Variants in HERC1 observed in about 807,000 individuals in gnomAD.
HERC1 encodes probable E3 ubiquitin-protein ligase HERC1.
In HERC1, 160 loss-of-function variants were observed where a neutral mutation model predicts 554.3. The observed-to-expected ratio is 0.29, with a 90% confidence interval of 0.25 to 0.33. The LOEUF (loss-of-function observed/expected upper bound fraction) is 0.33. Ranked by LOEUF, HERC1 falls within the 10% of genes least tolerant of loss-of-function variation. The pLI is 1.00. For missense variants in HERC1, 4,919 were observed against 5,918.5 expected, an observed-to-expected ratio of 0.83 and a Z score of 5.54; for synonymous variants, 2,175 against 2,131.7, an observed-to-expected ratio of 1.02 and a Z score of -0.56.
intron 50 of HERC1, among the ~76,000 whole-genome samples, chr15:63,654,879 A>G (rs1318690678): frequency 2.0e-5 from 3 of 152,110 alleles, no homozygotes; most frequent in Admixed American, 1.3e-4. Context: ...AAAAAAAAAA[A>G]AAATTTATTA....
At chr15:63,767,646 C>T (rs1050593669) in intron 2 of HERC1, among the ~76,000 whole-genome samples, 1 of 152,034 alleles carries the variant, frequency 6.6e-6, no homozygotes, top group Admixed American at 6.5e-5. Flanking sequence ...TGCAGTCAGC[C>T]GAGATCGCCC....
At chr15:63,635,510 A>C (rs1337774220) in intron 65 of HERC1, among the ~76,000 whole-genome samples, 1 of 152,226 alleles carries the variant, frequency 6.6e-6, no homozygotes, top group Non-Finnish European at 1.5e-5. Flanking sequence ...ATAAATGGGG[A>C]AATTGTTTGT....
At position 63,720,484 on chromosome 15, in the gene HERC1, C is replaced by A. The variant is rs202150256; in HGVS notation, c.3743-1587G>T. Among the ~76,000 whole-genome samples the A allele has an allele frequency of 5.9e-5, 9 of 152,228 alleles. No homozygotes were observed. The East Asian group carries it at 1.7e-3, about 29-fold the overall frequency. On this transcript the variant is annotated intron_variant, in intron 19 of 77. Transcript: ENST00000443617. ...AACACGCTTGAAAAATTTTTAGCCT[C>A]AAATTAATTTTGGTTCTTAATTCCT...
rs1398719926 is a variant in HERC1, at chr15:63,643,473, G to C, written c.11262C>G (p.Ala3754=). 1 of 1,612,850 alleles carries C rather than the reference G, an allele frequency of 6.2e-7. No individual in the cohort carries two copies. The highest frequency in any genetic ancestry group is 8.5e-7 in the Non-Finnish European group (1 of 1,179,406). The part of the protein sequence containing the change: ...RGHITPVRTV[A]FSSDGLALVS... ...CCAGGGCCAACCCATCAGAACTAAA[G>C]GCAACAGTCCGAACAGGAGTGATGT... Residue 3754 remains alanine (A), a synonymous_variant, in exon 58 of 78, where the codon GCC becomes GCG. Transcript: ENST00000443617.
chr15:63,648,615 T>C (rs543379806), intron 54 of HERC1, among the ~76,000 whole-genome samples: 5 of 151,958 alleles, frequency 3.3e-5, no homozygotes, highest in Non-Finnish European at 7.4e-5. Flanking sequence ...CTATTCAGTA[T>C]GTTTCCATAT....
At chr15:63,737,361 ATCTT>A (rs1049312512) in intron 12 of HERC1, among the ~76,000 whole-genome samples, 2 of 143,776 alleles carry the variant, frequency 1.4e-5, no homozygotes, top group African/African-American at 5.2e-5. Flanking sequence ...ATATATATAT[ATCTT>A]TTTTCCAGAT....
Position 63,774,804 on chromosome 15 carries a change from C to A in HERC1, c.820G>T (p.Ala274Ser), listed in dbSNP as rs1339510440. ...LLEWIEMALGASAVVHTMEKG... is the reference protein window; with the variant it reads ...LLEWIEMALGSSAVVHTMEKG... ...TCCATGGTGTGTACAACTGCCGAAG[C>A]CCCCAAAGCCATTTCTATCCATTCA... Residue 274 changes from alanine to serine, a missense_variant, in exon 2 of 78, where the codon GCT becomes TCT. Ala to Ser is a moderately conservative substitution (Grantham distance 99). This residue lies in a region of HERC1 where 744 missense variants were observed against 1,090.0 expected (regional missense o/e 0.68). Transcript: ENST00000443617. The A allele has an allele frequency of 1.2e-6, 2 of 1,613,952 alleles. No homozygotes were observed. Among genetic ancestry groups the A allele is most frequent in the Non-Finnish European group, 1.7e-6 (2 of 1,179,860 alleles).
At chr15:63,774,339 A>T (rs1431866785) in intron 2 of HERC1, among the ~76,000 whole-genome samples, 5 of 152,204 alleles carry the variant, frequency 3.3e-5, no homozygotes, top group Non-Finnish European at 5.9e-5. Flanking sequence ...ATAAATTGGG[A>T]AATATGAAAA....
intron 50 of HERC1, among the ~76,000 whole-genome samples, chr15:63,655,170 A>G (rs1441699853): frequency 6.6e-6 from 1 of 152,026 alleles, no homozygotes; most frequent in African/African-American, 2.4e-5. Flanking sequence ...CCTGGCCAAC[A>G]TGGCGAAACC....
At chr15:63,655,305 G>T (rs993571828) in intron 50 of HERC1, among the ~76,000 whole-genome samples, 1 of 152,208 alleles carries the variant, frequency 6.6e-6, no homozygotes, top group South Asian at 2.1e-4. Context: ...ACTGAGCCAA[G>T]ATTGTGCCAC....
chr15:63,803,395 A>G (rs2077048511), intron 1 of HERC1, among the ~76,000 whole-genome samples: 1 of 151,882 alleles, frequency 6.6e-6, no homozygotes, highest in African/African-American at 2.4e-5. Context: ...CTTCTTATCA[A>G]CATCGTGGTG....
intron 49 of HERC1, 24 bp downstream of exon 49, chr15:63,656,064 G>T (rs762899154): frequency 6.2e-7 from 1 of 1,607,158 alleles, no homozygotes; most frequent in Admixed American, 1.7e-5. Flanking sequence ...AATGTAACGG[G>T]GAAAAGTACT....
At chr15:63,667,383 A>G (rs1269603094) in intron 40 of HERC1, among the ~76,000 whole-genome samples, 1 of 152,212 alleles carries the variant, frequency 6.6e-6, no homozygotes, top group Non-Finnish European at 1.5e-5. Context: ...TAGAGGAAAG[A>G]TTGAGCATGT....
Position 63,634,714 on chromosome 15 carries a change from T to G in HERC1, c.12570+19A>C, listed in dbSNP as rs749653629. The G allele has an allele frequency of 1.2e-6, 2 of 1,601,606 alleles. No homozygotes were observed. Among genetic ancestry groups the G allele is most frequent in the African/African-American group, 1.3e-5 (1 of 74,632 alleles). On this transcript the variant is annotated intron_variant, in intron 66 of 77. Coordinates refer to ENST00000443617, the MANE Select transcript of HERC1 (RefSeq NM_003922.4). ...AGAAACAATGATCAGCTAGAATATCTTATTGATTTATTCCATGCCTGTCCA... is the reference window on the plus strand; with the variant it reads ...AGAAACAATGATCAGCTAGAATATCGTATTGATTTATTCCATGCCTGTCCA...
rs2073338536 is a variant in HERC1, at chr15:63,712,298, G to C, written c.4584+477C>G. Reference sequence around the variant, plus strand: ...CAGTGGCAGAAGGAAAGGGAGAGGAGAGGACATTGGAGACACACTAACGGT... The same window carrying C: ...CAGTGGCAGAAGGAAAGGGAGAGGACAGGACATTGGAGACACACTAACGGT... On this transcript the variant is annotated intron_variant, in intron 24 of 77. Coordinates refer to ENST00000443617, the MANE Select transcript of HERC1 (RefSeq NM_003922.4). Among the ~76,000 whole-genome samples, 3 of 152,184 alleles carry C rather than the reference G, an allele frequency of 2.0e-5. No individual in the cohort carries two copies. The South Asian group carries it at 6.2e-4, about 32-fold the overall frequency.
At chr15:63,685,631 G>A (rs1003364401) in intron 34 of HERC1, among the ~76,000 whole-genome samples, 1 of 152,172 alleles carries the variant, frequency 6.6e-6, no homozygotes, top group African/African-American at 2.4e-5. Context: ...CCCCTAAAAG[G>A]CATAACTGAA....
intron 1 of HERC1, among the ~76,000 whole-genome samples, chr15:63,806,157 C>T (rs2077131971): frequency 6.6e-6 from 1 of 151,800 alleles, no homozygotes; most frequent in Non-Finnish European, 1.5e-5. Flanking sequence ...TTCTGCAGAA[C>T]ACAAGTGGTT....
intron 1 of HERC1, among the ~76,000 whole-genome samples, chr15:63,822,323 C>T (rs1364175217): frequency 5.9e-5 from 9 of 152,222 alleles, no homozygotes; most frequent in South Asian, 2.1e-4. Flanking sequence ...CTGTGGCTCA[C>T]GCCTGCAATC....
intron 67 of HERC1, 95 bp downstream of exon 67, chr15:63,633,753 T>A: frequency 7.6e-7 from 1 of 1,315,832 alleles, no homozygotes; most frequent in Non-Finnish European, 1.0e-6. Flanking sequence ...CTACCAAAAG[T>A]ACTAAAGGTA....
Sources: allele counts gnomAD v4.1 joint callset (sites outside exome capture counted in the v4.1 genomes callset), GRCh38; gene constraint gnomAD v4.1.1; regional missense constraint gnomAD v4.1.1; transcripts MANE v1.5; gene names NCBI Gene and HGNC (gene_info 2026-07-23, HGNC 2026-07-21).